Variants in KDM4D observed in about 807,000 individuals in gnomAD.
KDM4D encodes lysine demethylase 4D, also known as lysine-specific demethylase 4D.
For missense variants in KDM4D, 427 were observed against 674.8 expected (o/e 0.63, Z 4.07); for synonymous variants, 254 against 249.1 (o/e 1.02, Z -0.19).
chr11:94,995,992 C>T (rs1555099182), intron 2 of KDM4D, among the ~76,000 whole-genome samples: 1 of 152,064 alleles, frequency 6.6e-6, no homozygotes, highest in African/African-American at 2.4e-5. Flanking sequence ...ACCAGTTGTG[C>T]GAGGGATAGG....
At chr11:94,987,260 A>G (rs11020997) in intron 2 of KDM4D, among the ~76,000 whole-genome samples, 92,394 of 152,030 alleles carry the variant, frequency 0.61, 28,701 homozygotes, top group Middle Eastern at 0.73. Flanking sequence ...GTAAATATAC[A>G]AAAAATCATT....
chr11:94,993,312 A>T (rs1857950831), intron 2 of KDM4D, among the ~76,000 whole-genome samples: 1 of 152,128 alleles, frequency 6.6e-6, no homozygotes, highest in Admixed American at 6.5e-5. Flanking sequence ...ATTCTGCCTT[A>T]TTGTGATTAC....
chr11:94,987,004 T>C (rs1555098192), intron 2 of KDM4D, among the ~76,000 whole-genome samples: 1 of 152,228 alleles, frequency 6.6e-6, no homozygotes, highest in African/African-American at 2.4e-5. Flanking sequence ...AATACTGATA[T>C]ATACTACAAC....
chr11:94,979,306 T>C (rs987380242), intron 2 of KDM4D, among the ~76,000 whole-genome samples: 2 of 152,166 alleles, frequency 1.3e-5, no homozygotes, highest in Admixed American at 1.3e-4. Flanking sequence ...CTTAGCTCAC[T>C]GCAACCTCCT....
chr11:94,979,549 T>C (rs587739502), intron 2 of KDM4D, among the ~76,000 whole-genome samples: 1 of 152,176 alleles, frequency 6.6e-6, no homozygotes, highest in African/African-American at 2.4e-5. Flanking sequence ...CATTTCTAAA[T>C]GATAATAGTC....
chr11:94,991,008 G>A (rs587612487), intron 2 of KDM4D, among the ~76,000 whole-genome samples: 1 of 152,342 alleles, frequency 6.6e-6, no homozygotes, highest in African/African-American at 2.4e-5. Context: ...TTTTGAGAGT[G>A]TGGTTGTCAT....
intron 2 of KDM4D, among the ~76,000 whole-genome samples, chr11:94,977,224 C>G (rs1271291516): frequency 6.6e-6 from 1 of 152,100 alleles, no homozygotes; most frequent in African/African-American, 2.4e-5. Context: ...TTACAGCATC[C>G]GATTGGCAAC....
intron 2 of KDM4D, among the ~76,000 whole-genome samples, chr11:94,986,894 T>C (rs1356152166): frequency 6.6e-6 from 1 of 152,156 alleles, no homozygotes; most frequent in Non-Finnish European, 1.5e-5. Flanking sequence ...TTCGTAATAG[T>C]CCCAAAATGA....
intron 2 of KDM4D, among the ~76,000 whole-genome samples, chr11:94,993,989 A>G (rs1857957002): frequency 6.6e-6 from 1 of 152,216 alleles, no homozygotes. Context: ...CATATGATAC[A>G]GGTAATCTTG....
chr11:94,989,009 A>G (rs587759475), intron 2 of KDM4D, among the ~76,000 whole-genome samples: 1 of 152,370 alleles, frequency 6.6e-6, no homozygotes, highest in African/African-American at 2.4e-5. Flanking sequence ...TTCTGAGAAA[A>G]GAAATCTGAT....
intron 2 of KDM4D, among the ~76,000 whole-genome samples, chr11:94,991,459 T>C (rs1267462786): frequency 1.3e-5 from 2 of 152,160 alleles, no homozygotes; most frequent in Non-Finnish European, 2.9e-5. Context: ...ATTGAGATTT[T>C]AGTATTTCTA....
intron 2 of KDM4D, among the ~76,000 whole-genome samples, chr11:94,991,510 GAC>G (rs1364545638): frequency 8.5e-5 from 13 of 152,080 alleles, no homozygotes; most frequent in African/African-American, 2.9e-4. Flanking sequence ...GCAAGAATAA[GAC>G]AATAAGAAAG....
chr11:94,990,431 A>G (rs1285538665), intron 2 of KDM4D, among the ~76,000 whole-genome samples: 2 of 152,242 alleles, frequency 1.3e-5, no homozygotes, highest in African/African-American at 2.4e-5. Context: ...GAAGAAAAGC[A>G]TAGAGTCAAG....
intron 2 of KDM4D, among the ~76,000 whole-genome samples, chr11:94,991,832 C>T (rs962810550): frequency 2.6e-5 from 4 of 151,110 alleles, no homozygotes; most frequent in Admixed American, 6.6e-5. Context: ...AATTAAAGAA[C>T]TTCATTTTTG....
At chr11:94,974,984 A>C (rs1402026186) in intron 1 of KDM4D, among the ~76,000 whole-genome samples, 2 of 152,228 alleles carry the variant, frequency 1.3e-5, no homozygotes, top group Admixed American at 6.5e-5. Flanking sequence ...ACATTTCTTA[A>C]TGTGACCTGA....
chr11:94,998,822 T>A lies in KDM4D; in HGVS notation c.1450T>A (p.Ser484Thr), dbSNP rs1312381744. The part of the protein sequence containing the change: ...PLLAGTTCTA[S>T]GPEPEPLPED... ...CTTGGCGGGCACAACATGCACAGCT[T>A]CGGGCCCAGAACCTGAGCCCCTACC... The change falls in exon 3 of 3, where the codon TCG becomes ACG. Residue 484 changes from serine to threonine, a missense_variant. Physicochemically the swap from Ser to Thr is moderately conservative, Grantham distance 58. Transcript: ENST00000335080. This position sits in a 1 kb window ranked among gnomAD's most constrained non-coding sequence, Gnocchi z 6.7. The A allele has an allele frequency of 1.9e-6, 3 of 1,595,182 alleles. No homozygotes were observed. Among genetic ancestry groups the A allele is most frequent in the Non-Finnish European group, 2.6e-6 (3 of 1,168,314 alleles).
chr11:94,996,271 C>T (rs1017470356), intron 2 of KDM4D, among the ~76,000 whole-genome samples: 1 of 152,274 alleles, frequency 6.6e-6, no homozygotes, highest in Middle Eastern at 3.4e-3. Context: ...TGAGTTAACA[C>T]AATGAGTTAT....
chr11:94,989,245 A>G (rs1857913353), intron 2 of KDM4D, among the ~76,000 whole-genome samples: 2 of 152,234 alleles, frequency 1.3e-5, no homozygotes, highest in African/African-American at 4.8e-5. Context: ...AATCTCTGGG[A>G]GAGTCCATGT....
chr11:94,982,623 C>T (rs1300405965), intron 2 of KDM4D, among the ~76,000 whole-genome samples: 2 of 149,612 alleles, frequency 1.3e-5, no homozygotes, highest in African/African-American at 4.9e-5. Context: ...AAAATATTAT[C>T]TACGTGGAAA....
Sources: gnomAD v4.1 joint callset for allele counts (sites outside exome capture counted in the v4.1 genomes callset) on GRCh38, gnomAD v4.1.1 for gene constraint, Gnocchi (gnomAD v3.1) non-coding constraint, MANE v1.5 for transcripts, NCBI Gene and HGNC (gene_info 2026-07-23, HGNC 2026-07-21) for gene names.